The following SLC4A5 variants were observed in gnomAD, a reference collection of about 807,000 sequenced individuals.
The protein encoded by SLC4A5 is electrogenic sodium bicarbonate cotransporter 4.
SLC4A5 carries 96 observed loss-of-function variants against 120.4 expected under a neutral mutation model. That is an observed-to-expected ratio of 0.80 (90% confidence interval 0.68 to 0.94). The LOEUF (loss-of-function observed/expected upper bound fraction) is 0.94, where lower values mean the gene tolerates loss of function less well. SLC4A5 is among the 40% of genes least tolerant of loss of function. The pLI is 0.00. For synonymous variants in SLC4A5, 550 were observed against 571.1 expected (o/e 0.96, Z 0.53); for missense variants, 1,259 against 1,459.5 (o/e 0.86, Z 2.24).
At chr2:74,300,850 G>T (rs1275947846) in intron 7 of SLC4A5, among the ~76,000 whole-genome samples, 2 of 152,192 alleles carry the variant, frequency 1.3e-5, no homozygotes, top group Non-Finnish European at 1.5e-5. Flanking sequence ...AGGATGCCTG[G>T]GCTGGCCTCT....
At chr2:74,278,139 C>T (rs1166914380) in intron 8 of SLC4A5, among the ~76,000 whole-genome samples, 1 of 151,914 alleles carries the variant, frequency 6.6e-6, no homozygotes, top group Admixed American at 6.6e-5. Flanking sequence ...GGGGTTATTC[C>T]CCTTCTGACA....
exon 17 of SLC4A5, chr2:74,250,479 A>G: frequency 6.2e-7 from 1 of 1,614,242 alleles, no homozygotes; most frequent in Middle Eastern, 1.6e-4. Flanking sequence ...GAACCAGGGC[A>G]ACTTCCTCTT....
intron 14 of SLC4A5, 103 bp downstream of exon 14, chr2:74,254,516 T>G: frequency 2.4e-6 from 2 of 849,698 alleles, no homozygotes; most frequent in East Asian, 2.4e-5. Flanking sequence ...TGGTACACAG[T>G]AGGTGCTCAA....
intron 14 of SLC4A5, among the ~76,000 whole-genome samples, chr2:74,253,524 T>A (rs1277412511): frequency 6.6e-6 from 1 of 152,184 alleles, no homozygotes; most frequent in Non-Finnish European, 1.5e-5. Flanking sequence ...CAGGCCGTGT[T>A]CTTCACACTG....
At chr2:74,306,997 TC>T (rs1198629886) in intron 6 of SLC4A5, 3 of 594,944 alleles carry the variant, frequency 5.0e-6, no homozygotes, top group Non-Finnish European at 6.3e-6. Flanking sequence ...TGCAGCAGGA[TC>T]CCATTGAGCT....
At chr2:74,228,686 A>C (rs13389453) in intron 25 of SLC4A5, among the ~76,000 whole-genome samples, 5,395 of 151,384 alleles carry the variant, frequency 0.036, 315 homozygotes, top group African/African-American at 0.12. Flanking sequence ...CCAAAAAAAA[A>C]CAGAAATCAT....
chr2:74,253,121 C>T, exon 15 of SLC4A5: 5 of 1,614,128 alleles, frequency 3.1e-6, no homozygotes, highest in African/African-American at 1.3e-5. Context: ...GGCCACGTCA[C>T]TGAAGAGCTG....
At chr2:74,336,007 C>T (rs892873518) in intron 3 of SLC4A5, among the ~76,000 whole-genome samples, 1 of 152,192 alleles carries the variant, frequency 6.6e-6, no homozygotes, top group Non-Finnish European at 1.5e-5. Context: ...TCAGGGCTGA[C>T]AGCTTTACAT....
At chr2:74,224,603 T>G (rs540010433) in intron 28 of SLC4A5, among the ~76,000 whole-genome samples, 1 of 152,044 alleles carries the variant, frequency 6.6e-6, no homozygotes, top group Admixed American at 6.5e-5. Flanking sequence ...GCATGGCCAG[T>G]CACCTTTTCC....
chr2:74,302,209 T>G (rs1672491804), intron 7 of SLC4A5, among the ~76,000 whole-genome samples: 2 of 152,112 alleles, frequency 1.3e-5, no homozygotes, highest in African/African-American at 4.8e-5. Context: ...CCTCCTAGGC[T>G]CTCCCATTCT....
At chr2:74,316,268 A>G (rs946657185) in intron 5 of SLC4A5, among the ~76,000 whole-genome samples, 10 of 150,862 alleles carry the variant, frequency 6.6e-5, no homozygotes, top group Non-Finnish European at 1.5e-5. Context: ...AAGACACCAC[A>G]ATCAGTCATG....
At chr2:74,259,793 T>G (rs1204141095) in intron 11 of SLC4A5, 150 bp from the exon 12 acceptor site, 2 of 713,960 alleles carry the variant, frequency 2.8e-6, no homozygotes, top group Non-Finnish European at 5.0e-6. Context: ...ACTAGCATCC[T>G]CTCACTTTCC....
intron 6 of SLC4A5, among the ~76,000 whole-genome samples, chr2:74,313,326 A>G (rs1038444639): frequency 6.6e-6 from 1 of 152,204 alleles, no homozygotes; most frequent in Non-Finnish European, 1.5e-5. Context: ...TCCACTTTCA[A>G]ATAACGCTAT....
chr2:74,253,116 C>T lies in SLC4A5; in HGVS notation c.1126G>A (p.Val376Met), dbSNP rs778293945. 37 of 1,613,878 alleles carry T rather than the reference C, an allele frequency of 2.3e-5. No individual in the cohort carries two copies. The highest frequency in any genetic ancestry group is 3.0e-5 in the Non-Finnish European group (35 of 1,180,002). Residue 376 changes from valine (V) to methionine (M), a missense_variant, in exon 15 of 31, where the codon GTG (valine) becomes ATG (methionine). Val to Met is a conservative substitution (Grantham distance 21). Coordinates refer to ENST00000394019, the Ensembl canonical transcript of SLC4A5. ...TCCCGATTGCGGGCTTTGTAGGCCACGTCACTGAAGAGCTGGCGAGGAGAG... is the reference window on the plus strand; with the variant it reads ...TCCCGATTGCGGGCTTTGTAGGCCATGTCACTGAAGAGCTGGCGAGGAGAG...
chr2:74,225,653 C>T (rs1694816805), intron 27 of SLC4A5, among the ~76,000 whole-genome samples: 1 of 152,076 alleles, frequency 6.6e-6, no homozygotes, highest in Non-Finnish European at 1.5e-5. Flanking sequence ...TGCACCAGGA[C>T]CTGGAGGGCT....
intron 21 of SLC4A5, among the ~76,000 whole-genome samples, chr2:74,236,385 T>C (rs950836205): frequency 4.6e-5 from 7 of 152,198 alleles, no homozygotes; most frequent in Admixed American, 3.3e-4. Flanking sequence ...CTCCTTCCAT[T>C]AGCTTTGGCT....
chr2:74,332,672 C>T (rs1673390287), intron 4 of SLC4A5, among the ~76,000 whole-genome samples: 1 of 151,810 alleles, frequency 6.6e-6, no homozygotes, highest in Non-Finnish European at 1.5e-5. Flanking sequence ...GAGAGAAAAG[C>T]CAATACACAG....
intron 13 of SLC4A5, 73 bp from the exon 14 acceptor site, chr2:74,254,779 A>T (rs1670907918): frequency 8.7e-7 from 1 of 1,144,318 alleles, no homozygotes; most frequent in South Asian, 1.2e-5. Flanking sequence ...GAAAAACAGA[A>T]GCAAGTGAAG....
At chr2:74,335,492 C>A (rs1042845467) in intron 3 of SLC4A5, among the ~76,000 whole-genome samples, 3 of 152,204 alleles carry the variant, frequency 2.0e-5, no homozygotes, top group African/African-American at 7.2e-5. Flanking sequence ...GTTCTCTGAT[C>A]ACCTCAGCCA....
Sources: gnomAD v4.1 joint callset for allele counts (sites outside exome capture counted in the v4.1 genomes callset) on GRCh38, gnomAD v4.1.1 for gene constraint, MANE v1.5 for transcripts, NCBI Gene and HGNC (gene_info 2026-07-23, HGNC 2026-07-21) for gene names.